DHRS4L2: variants seen among roughly 807,000 people sequenced by gnomAD.
The protein encoded by DHRS4L2 is dehydrogenase/reductase SDR family member 4-like 2.
In DHRS4L2, 22 loss-of-function variants were observed where a neutral mutation model predicts 23.9. The observed-to-expected ratio is 0.92, with a 90% CI of 0.66 to 1.31. The LOEUF (loss-of-function observed/expected upper bound fraction) is 1.31, where lower values mean the gene tolerates loss of function less well. DHRS4L2 is among the 40% of genes most tolerant of loss of function. DHRS4L2 has a pLI of 0.00. For missense variants in DHRS4L2, 385 were observed against 303.3 expected (o/e 1.27, Z -2.00); for synonymous variants, 141 against 123.7 (o/e 1.14, Z -0.93).
chr14:23,990,953 G>A lies in DHRS4L2; in HGVS notation c.306+594G>A, dbSNP rs573204187. The A allele has an allele frequency of 1.6e-5, 14 of 855,232 alleles. 1 individual carries two copies. The highest frequency in any genetic ancestry group is 2.0e-5 in the Non-Finnish European group (14 of 711,626). The allele number at this position is 855,232 out of a possible 1,614,324, so 53.0% of individuals were successfully genotyped here. ...TTATTGGCTGCCTGTGGACTACCAG[G>A]TACTGGACTTCAGTCTCAAAGAAAG... On this transcript the variant is annotated intron_variant, in intron 2 of 7. Transcript: ENST00000335125.
chr14:23,973,331 T>G (rs1566485066), intron 1 of DHRS4L2, among the ~76,000 whole-genome samples: 1 of 151,924 alleles, frequency 6.6e-6, no homozygotes, highest in Non-Finnish European at 1.5e-5. Flanking sequence ...GGCCTGCAAG[T>G]GCTGCGCACA....
chr14:23,987,507 C>T (rs1339057488), upstream of DHRS4L2, among the ~76,000 whole-genome samples: 2 of 151,546 alleles, frequency 1.3e-5, no homozygotes, highest in African/African-American at 4.8e-5. Flanking sequence ...GAATTCTATT[C>T]AAAAGTCATG....
chr14:23,995,514 T>A (rs2034363448), intron 3 of DHRS4L2, among the ~76,000 whole-genome samples: 1 of 151,864 alleles, frequency 6.6e-6, no homozygotes, highest in African/African-American at 2.4e-5. Context: ...AAACTAATCA[T>A]TTTTTATTAG....
At chr14:23,983,284 T>G (rs2034084523) in intron 1 of DHRS4L2, among the ~76,000 whole-genome samples, 1 of 151,746 alleles carries the variant, frequency 6.6e-6, no homozygotes, top group African/African-American at 2.4e-5. Context: ...GAAAAAAAGT[T>G]CATCATCACT....
In DHRS4L2 at chr14:23,989,083, T is replaced by C. The variant is rs1452102460; in HGVS notation, c.128+8T>C. The C allele has an allele frequency of 3.2e-6, 5 of 1,563,126 alleles. No homozygotes were observed. Among genetic ancestry groups the C allele is most frequent in the East Asian group, 2.4e-5 (1 of 42,082 alleles). ...AACGGCCTCCACCGACGGGTGAGTG[T>C]TGGTGCCGGAGTTTCTGAGGCCCTG... On this transcript the variant is annotated splice_region_variant and intron_variant, in intron 1 of 7. Transcript: ENST00000335125.
At chr14:23,978,891 A>T (rs2034012414) in intron 1 of DHRS4L2, among the ~76,000 whole-genome samples, 1 of 143,574 alleles carries the variant, frequency 7.0e-6, no homozygotes, top group South Asian at 2.4e-4. Context: ...GCGTCAACTA[A>T]TGGGCAAAAT....
At chr14:23,973,773 G>C (rs1054203561) in intron 1 of DHRS4L2, among the ~76,000 whole-genome samples, 26 of 151,282 alleles carry the variant, frequency 1.7e-4, no homozygotes, top group Non-Finnish European at 1.8e-4. Flanking sequence ...GACCTACAAA[G>C]AGGCTTAGAC....
chr14:23,972,841 A>G lies in DHRS4L2; in HGVS notation c.-176+2509A>G, dbSNP rs529986866. ...AGAAGGTCAGCAACAAACGTGAGCA[A>G]TAGAATCTACATCATAATTCAGTTC... is the stretch of plus-strand genomic sequence containing the variant. On this transcript the variant is annotated intron_variant, in intron 1 of 5. Coordinates refer to the DHRS4L2 transcript ENST00000534993. Among the ~76,000 whole-genome samples, 105 of 151,470 alleles carry G rather than the reference A, an allele frequency of 6.9e-4. 4 individuals carry two copies. Among genetic ancestry groups the G allele is most frequent in the South Asian group, 2.1e-4 (1 of 4,768 alleles).
Position 24,001,491 on chromosome 14 carries a change from C to T in DHRS4L2, c.639C>T (p.Asp213=), listed in dbSNP as rs754520335. The change falls in exon 6 of 8, where the codon GAC becomes GAT. Residue 213 remains aspartate (D), a synonymous_variant. Transcript: ENST00000335125. The part of the protein sequence containing the change: ...RNIRVNCLHL[D]LSRLASAGCS... ...TTAGGGTGAACTGCCTGCACCTGGACTTATCAAGACTAGCTTCAGCAGGAT... is the reference window on the plus strand; with the variant it reads ...TTAGGGTGAACTGCCTGCACCTGGATTTATCAAGACTAGCTTCAGCAGGAT... 5.6e-6 allele frequency: 9 copies of T among 1,603,314 alleles called. No homozygotes were observed. The South Asian group carries it at 7.8e-5, about 14-fold the overall frequency.
chr14:23,987,432 G>A (rs1359257949), upstream of DHRS4L2, among the ~76,000 whole-genome samples: 2 of 151,578 alleles, frequency 1.3e-5, no homozygotes, highest in African/African-American at 2.4e-5. Context: ...CCAGCTGAAT[G>A]TCCAAATCCT....
chr14:23,995,905 T>C (rs2034373494), intron 3 of DHRS4L2, among the ~76,000 whole-genome samples: 1 of 151,824 alleles, frequency 6.6e-6, no homozygotes, highest in African/African-American at 2.4e-5. Context: ...TGCATTGCTA[T>C]AAAGGAATAC....
At position 23,999,955 on chromosome 14, in the gene DHRS4L2, G is replaced by C. The variant is rs373993922; in HGVS notation, c.409-908G>C. Among the ~76,000 whole-genome samples, 2 of 135,566 alleles carry C rather than the reference G, an allele frequency of 1.5e-5. 1 individual carries two copies. Among genetic ancestry groups the C allele is most frequent in the African/African-American group, 6.4e-5 (2 of 31,008 alleles). The allele number at this position is 135,566 out of a possible 152,430, so 88.9% of individuals were successfully genotyped here. A position where few individuals can be genotyped will look rare whatever the true frequency, so the allele number is the denominator to read the frequency against. On this transcript the variant is annotated intron_variant, in intron 3 of 7. Coordinates refer to ENST00000335125, the MANE Select transcript of DHRS4L2 (RefSeq NM_198083.4). ...AGTGATCCACCCATCTTGGCCTCCC[G>C]AAGTGCAGGGATTGCAGGCATGAGC...
chr14:23,981,962 T>C (rs933696417), intron 1 of DHRS4L2, among the ~76,000 whole-genome samples: 1 of 151,716 alleles, frequency 6.6e-6, no homozygotes, highest in Non-Finnish European at 1.5e-5. Context: ...AATCGTGTTT[T>C]ATACCAAGAC....
At chr14:23,972,355 A>G (rs2033875710) in intron 1 of DHRS4L2, among the ~76,000 whole-genome samples, 1 of 151,308 alleles carries the variant, frequency 6.6e-6, no homozygotes, top group Non-Finnish European at 1.5e-5. Flanking sequence ...GCATGTCTGG[A>G]GTTGTTCGTT....
chr14:24,005,901 G>T lies in DHRS4L2; in HGVS notation c.*38G>T. On this transcript the variant is annotated 3_prime_UTR_variant, in exon 8 of 8. Coordinates refer to ENST00000335125, the MANE Select transcript of DHRS4L2 (RefSeq NM_198083.4). ...TATTCCCCAGGTTAGGCGAGCCAGA[G>T]GATTGTGCTGGCATCGTGTCTTTCC... The T allele has an allele frequency of 6.2e-7, 1 of 1,606,360 alleles. No individual in the cohort carries two copies. Among genetic ancestry groups the T allele is most frequent in the Non-Finnish European group, 8.5e-7 (1 of 1,176,776 alleles).
At position 23,996,603 on chromosome 14, in the gene DHRS4L2, GCTT is replaced by G. The variant is rs1323276580; in HGVS notation, c.408+1474_408+1476del. On this transcript the variant is annotated intron_variant, in intron 3 of 7. Transcript: ENST00000335125. ...ATTTGCTGCTAACCATTTAAGTTTG[GCTT>G]CTTTCTTTCTTTTTTTAGACAGACT... 2.0e-5 allele frequency among the ~76,000 whole-genome samples: 3 copies of G among 149,530 alleles called. No individual in the cohort carries two copies. In the East Asian group the frequency reaches 5.9e-4, roughly 29 times the overall value.
intron 2 of DHRS4L2, among the ~76,000 whole-genome samples, chr14:23,993,193 C>T (rs1173876205): frequency 6.6e-6 from 1 of 151,616 alleles, no homozygotes; most frequent in Non-Finnish European, 1.5e-5. Flanking sequence ...CTCTGCACCT[C>T]CCTAGTAACA....
At chr14:23,989,524 C>T (rs1447188460) in intron 1 of DHRS4L2, among the ~76,000 whole-genome samples, 2 of 151,708 alleles carry the variant, frequency 1.3e-5, no homozygotes, top group African/African-American at 4.8e-5. Context: ...AGCCATGTGT[C>T]GAGACTTTTT....
chr14:23,983,258 T>G (rs1403845124), intron 1 of DHRS4L2, among the ~76,000 whole-genome samples: 2 of 151,866 alleles, frequency 1.3e-5, no homozygotes, highest in Middle Eastern at 3.4e-3. Flanking sequence ...AAAACATTTA[T>G]GCAGCCAACA....
Sources: gnomAD v4.1 joint callset for allele counts (sites outside exome capture counted in the v4.1 genomes callset) on GRCh38, gnomAD v4.1.1 for gene constraint, MANE v1.5 for transcripts, NCBI Gene and HGNC (gene_info 2026-07-23, HGNC 2026-07-21) for gene names.